The following NOSTRIN variants were observed in gnomAD, a reference collection of about 807,000 sequenced individuals.
NOSTRIN encodes the protein BM247 homolog.
Under a neutral mutation model 59.0 loss-of-function variants are expected in NOSTRIN, and 63 were observed. That is an observed-to-expected ratio of 1.07 (90% CI 0.87 to 1.32). The LOEUF (loss-of-function observed/expected upper bound fraction) is 1.32. Among genes scored for constraint, NOSTRIN ranks in the 40% most tolerant of loss-of-function variants. The probability of loss-of-function intolerance (pLI) is 0.00; values close to 1 mark genes in which losing one functional copy is unlikely to be tolerated. For missense variants in NOSTRIN, 512 were observed against 473.1 expected (o/e 1.08, Z -0.76); for synonymous variants, 200 against 165.4 (o/e 1.21, Z -1.61).
At chr2:168,823,419 G>A (rs1040521554) in intron 2 of NOSTRIN, among the ~76,000 whole-genome samples, 15 of 152,198 alleles carry the variant, frequency 9.9e-5, no homozygotes, top group African/African-American at 3.6e-4. Context: ...GCAGTCAGAG[G>A]TGCGTTCTGA....
intron 8 of NOSTRIN, among the ~76,000 whole-genome samples, chr2:168,846,970 A>G (rs1688466837): frequency 6.6e-6 from 1 of 152,184 alleles, no homozygotes; most frequent in Non-Finnish European, 1.5e-5. Context: ...CTTTCTATAA[A>G]AGTGTCTTGA....
At chr2:168,804,129 A>C (rs1411115303) in intron 1 of NOSTRIN, among the ~76,000 whole-genome samples, 1 of 152,198 alleles carries the variant, frequency 6.6e-6, no homozygotes, top group Non-Finnish European at 1.5e-5. Context: ...AAAGAAACTG[A>C]AGGTCTAACA....
chr2:168,845,901 A>G (rs1487254496), intron 8 of NOSTRIN, among the ~76,000 whole-genome samples: 1 of 143,508 alleles, frequency 7.0e-6, no homozygotes, highest in Non-Finnish European at 1.5e-5. Context: ...GATTTTTGCT[A>G]CCTCTATGCT....
chr2:168,837,340 T>A (rs184338873), intron 7 of NOSTRIN, among the ~76,000 whole-genome samples: 152 of 142,084 alleles, frequency 1.1e-3, no homozygotes, highest in African/African-American at 3.9e-3. Context: ...GATGGAGTCT[T>A]GCTGTGTCGC....
intron 6 of NOSTRIN, among the ~76,000 whole-genome samples, chr2:168,833,775 A>ACC (rs1687511120): frequency 6.6e-6 from 1 of 151,196 alleles, no homozygotes; most frequent in Non-Finnish European, 1.5e-5. Flanking sequence ...CAGAATTGTG[A>ACC]CCCTTGCTGC....
At position 168,833,912 on chromosome 2, in the gene NOSTRIN, A is replaced by G. The variant is rs543520166; in HGVS notation, c.406-315A>G. Among the ~76,000 whole-genome samples the G allele has an allele frequency of 9.3e-4, 141 of 152,316 alleles. 1 individual carries two copies. Among genetic ancestry groups the G allele is most frequent in the African/African-American group, 3.2e-3 (135 of 41,574 alleles). On this transcript the variant is annotated intron_variant, in intron 6 of 15. Transcript: ENST00000317647. ...GTAAAGCCATTATGCTCACTAGAACATTATTTTGGAGGCTTGCAGGCCTTT... is the reference window on the plus strand; with the variant it reads ...GTAAAGCCATTATGCTCACTAGAACGTTATTTTGGAGGCTTGCAGGCCTTT...
At chr2:168,829,464 G>A (rs1367947900) in intron 5 of NOSTRIN, among the ~76,000 whole-genome samples, 1 of 151,980 alleles carries the variant, frequency 6.6e-6, no homozygotes, top group African/African-American at 2.4e-5. Context: ...GACATTACAG[G>A]TGCCTGCCAC....
chr2:168,848,213 TAAG>T (rs910723552), intron 8 of NOSTRIN, among the ~76,000 whole-genome samples: 2 of 152,244 alleles, frequency 1.3e-5, no homozygotes, highest in South Asian at 4.1e-4. Context: ...TTCTGCCTTT[TAAG>T]AAGCAAAACA....
intron 10 of NOSTRIN, among the ~76,000 whole-genome samples, chr2:168,853,484 G>A (rs144190001): frequency 8.3e-4 from 126 of 152,280 alleles, no homozygotes; most frequent in Middle Eastern, 6.8e-3. Flanking sequence ...TAGAAGAGAA[G>A]GACAAATGTT....
intron 12 of NOSTRIN, among the ~76,000 whole-genome samples, chr2:168,858,949 G>A (rs1689278373): frequency 1.3e-5 from 2 of 152,206 alleles, no homozygotes; most frequent in South Asian, 2.1e-4. Context: ...GAGACTAGGA[G>A]TGTATCTTTA....
chr2:168,838,248 A>G (rs1340595209), intron 7 of NOSTRIN, among the ~76,000 whole-genome samples: 1 of 152,140 alleles, frequency 6.6e-6, no homozygotes, highest in East Asian at 1.9e-4. Context: ...GTCTTTGAAT[A>G]TCATCACCCA....
At chr2:168,846,988 G>C (rs1349524656) in intron 8 of NOSTRIN, among the ~76,000 whole-genome samples, 1 of 152,174 alleles carries the variant, frequency 6.6e-6, no homozygotes, top group Non-Finnish European at 1.5e-5. Context: ...TGAGGAAGTA[G>C]CTGACAAACC....
At chr2:168,797,142 G>T (rs1685506185), upstream of NOSTRIN, among the ~76,000 whole-genome samples, 1 of 136,654 alleles carries the variant, frequency 7.3e-6, no homozygotes, top group African/African-American at 2.7e-5. Flanking sequence ...TGGATGGAGT[G>T]TGGTGGCATG....
intron 2 of NOSTRIN, among the ~76,000 whole-genome samples, chr2:168,813,466 A>G (rs929943773): frequency 2.0e-5 from 3 of 151,982 alleles, no homozygotes; most frequent in African/African-American, 7.3e-5. Flanking sequence ...AGATCACTCC[A>G]TATCCCCACC....
chr2:168,825,178 A>C (rs1315213627), intron 3 of NOSTRIN, among the ~76,000 whole-genome samples: 1 of 152,206 alleles, frequency 6.6e-6, no homozygotes, highest in Non-Finnish European at 1.5e-5. Flanking sequence ...GTGTGCATGC[A>C]CTGTGTTAAT....
At chr2:168,862,690 G>C (rs920187015) in intron 15 of NOSTRIN, among the ~76,000 whole-genome samples, 6 of 152,184 alleles carry the variant, frequency 3.9e-5, no homozygotes, top group Non-Finnish European at 7.3e-5. Context: ...ACATGGAAAG[G>C]TATTACGTAG....
upstream of NOSTRIN, among the ~76,000 whole-genome samples, chr2:168,800,835 A>G (rs546101799): frequency 1.3e-5 from 2 of 151,930 alleles, no homozygotes; most frequent in Non-Finnish European, 2.9e-5. Flanking sequence ...CTCTGAGGGC[A>G]GAGAAGCCCC....
chr2:168,860,797 G>C lies in NOSTRIN; in HGVS notation c.1182G>C (p.Glu394Asp). Residue 394 changes from glutamate (E) to aspartate (D), a missense_variant and splice_region_variant, in exon 14 of 16, where the codon GAG becomes GAC. Physicochemically the swap from Glu to Asp is conservative, Grantham distance 45. Transcript: ENST00000317647. The part of the protein sequence containing the change: ...SNSIFRWREK[E>D]HTHSYVKISR... ...GACTTTTTATGTCATTTGAACAGGA[G>C]CATACTCATAGCTATGTGAAAATAT... The C allele has an allele frequency of 6.3e-7, 1 of 1,578,904 alleles. No homozygotes were observed.
At chr2:168,862,787 T>G (rs1438909224) in intron 15 of NOSTRIN, among the ~76,000 whole-genome samples, 1 of 152,154 alleles carries the variant, frequency 6.6e-6, no homozygotes, top group Non-Finnish European at 1.5e-5. Flanking sequence ...AAACCATGTT[T>G]GAATGTTAGC....
Sources: gnomAD v4.1 joint callset for allele counts (sites outside exome capture counted in the v4.1 genomes callset) on GRCh38, gnomAD v4.1.1 for gene constraint, MANE v1.5 for transcripts, NCBI Gene and HGNC (gene_info 2026-07-23, HGNC 2026-07-21) for gene names.